The following AOPEP variants were observed in gnomAD, a reference collection of about 807,000 sequenced individuals.
AOPEP encodes aminopeptidase O (putative), also known as aminopeptidase O.
Under a neutral mutation model 98.1 loss-of-function variants are expected in AOPEP, and 77 were observed. That is an observed-to-expected ratio of 0.78 (90% CI 0.65 to 0.95). AOPEP has a LOEUF of 0.95. Among genes scored for constraint, AOPEP ranks in the 40% least tolerant of loss-of-function variants. The probability of loss-of-function intolerance (pLI) is 0.00; values close to 1 mark genes in which losing one functional copy is unlikely to be tolerated. For missense variants in AOPEP, 1,024 were observed against 1,024.7 expected (o/e 1.00, Z 0.01); for synonymous variants, 346 against 365.3 (o/e 0.95, Z 0.60).
chr9:94,747,700 A>T (rs949631210), intron 1 of AOPEP, among the ~76,000 whole-genome samples: 2 of 152,234 alleles, frequency 1.3e-5, no homozygotes, highest in Non-Finnish European at 2.9e-5. Context: ...TTCAAAGTTT[A>T]TTAACTGTTT....
chr9:94,739,703 AAT>A (rs1281636238), intron 1 of AOPEP, among the ~76,000 whole-genome samples: 2 of 152,146 alleles, frequency 1.3e-5, no homozygotes, highest in Non-Finnish European at 2.9e-5. Flanking sequence ...TCCACTGCTA[AAT>A]AGTAACCGCT....
chr9:94,750,578 C>T (rs745649433), intron 1 of AOPEP, among the ~76,000 whole-genome samples: 52 of 151,584 alleles, frequency 3.4e-4, no homozygotes, highest in Non-Finnish European at 1.5e-5. Context: ...AGCGAGACTC[C>T]GTCTCAAAAA....
chr9:94,839,261 A>AT (rs571082827), intron 5 of AOPEP, among the ~76,000 whole-genome samples: 9 of 150,036 alleles, frequency 6.0e-5, no homozygotes, highest in Admixed American at 1.3e-4. Context: ...AATTTTTTGT[A>AT]TTTTTTTTTG....
At chr9:94,732,116 C>T (rs542612723) in intron 1 of AOPEP, among the ~76,000 whole-genome samples, 1 of 151,978 alleles carries the variant, frequency 6.6e-6, no homozygotes, top group Non-Finnish European at 1.5e-5. Flanking sequence ...GTTCCATATT[C>T]GTTTTTAACA....
At chr9:94,893,818 GA>G (rs921330763) in intron 5 of AOPEP, among the ~76,000 whole-genome samples, 1 of 152,080 alleles carries the variant, frequency 6.6e-6, no homozygotes, top group Non-Finnish European at 1.5e-5. Flanking sequence ...TTCTTAGAAA[GA>G]AAAATGTAAA....
the AOPEP span, among the ~76,000 whole-genome samples, chr9:95,144,200 T>C: frequency 6.6e-6 from 1 of 152,244 alleles, no homozygotes; most frequent in Non-Finnish European, 1.5e-5. Flanking sequence ...TGTCAACATG[T>C]GGCTGGGATG....
At chr9:94,836,828 T>G (rs1285837619) in intron 5 of AOPEP, among the ~76,000 whole-genome samples, 2 of 152,216 alleles carry the variant, frequency 1.3e-5, no homozygotes. Flanking sequence ...GTTACAGTTG[T>G]ATGCTTTATA....
chr9:94,745,278 ATTT>A (rs547764225), intron 1 of AOPEP, among the ~76,000 whole-genome samples: 2 of 141,790 alleles, frequency 1.4e-5, no homozygotes, highest in Non-Finnish European at 1.6e-5. Flanking sequence ...AATTGTTTTA[ATTT>A]TTTTTTTTTT....
At chr9:94,849,052 T>G (rs2043206392) in intron 5 of AOPEP, among the ~76,000 whole-genome samples, 1 of 152,210 alleles carries the variant, frequency 6.6e-6, no homozygotes, top group Non-Finnish European at 1.5e-5. Flanking sequence ...ATGCTGGGAT[T>G]AGAGGCGTGA....
chr9:95,052,713 AG>A (rs2066487018), intron 13 of AOPEP, among the ~76,000 whole-genome samples: 1 of 152,248 alleles, frequency 6.6e-6, no homozygotes, highest in South Asian at 2.1e-4. Flanking sequence ...GGAGTAATAT[AG>A]GAAGTTATAG....
intron 12 of AOPEP, 64 bp downstream of exon 12, chr9:95,005,284 A>C (rs1271637516): frequency 1.1e-6 from 1 of 873,452 alleles, no homozygotes. Context: ...GGCTGGCGAG[A>C]GGCCCTGGCT....
intron 13 of AOPEP, among the ~76,000 whole-genome samples, chr9:95,043,854 A>G (rs2065584095): frequency 6.6e-6 from 1 of 152,186 alleles, no homozygotes; most frequent in Non-Finnish European, 1.5e-5. Context: ...TTGTAGAGAC[A>G]GAGTTTTGGC....
chr9:95,141,207 G>A, the AOPEP span, among the ~76,000 whole-genome samples: 1 of 151,538 alleles, frequency 6.6e-6, no homozygotes, highest in East Asian at 2.0e-4. Flanking sequence ...AGCCACTCGG[G>A]AGGCTGAGGT....
At chr9:94,921,926 G>A (rs2053670582) in intron 5 of AOPEP, among the ~76,000 whole-genome samples, 2 of 152,284 alleles carry the variant, frequency 1.3e-5, no homozygotes, top group African/African-American at 2.4e-5. Flanking sequence ...CGACTCAGAA[G>A]AAAGGATTGA....
chr9:94,750,529 G>A (rs568547994), intron 1 of AOPEP, among the ~76,000 whole-genome samples: 1 of 152,068 alleles, frequency 6.6e-6, no homozygotes, highest in African/African-American at 2.4e-5. Context: ...AGGTTGCAGT[G>A]AGCCGAGATT....
At position 94,979,448 on chromosome 9, in the gene AOPEP, T is replaced by C. The variant is rs3824493; in HGVS notation, c.1977+21T>C. 1,496 of 1,536,726 alleles carry C rather than the reference T, an allele frequency of 9.7e-4. 32 individuals carry two copies. The East Asian group carries it at 0.032, about 33-fold the overall frequency. On this transcript the variant is annotated intron_variant, in intron 11 of 16. Coordinates refer to ENST00000375315, the MANE Select transcript of AOPEP (RefSeq NM_001193329.3). ...CAAAGGTAACTCAAGATAACCACTT[T>C]GGTAGAATCCATGGAGAGTAGTAAA...
chr9:94,771,573 C>G (rs1840886803), intron 2 of AOPEP, among the ~76,000 whole-genome samples: 1 of 152,220 alleles, frequency 6.6e-6, no homozygotes, highest in South Asian at 2.1e-4. Flanking sequence ...CCTAGGCTCT[C>G]TTGTCTTCTG....
intron 5 of AOPEP, among the ~76,000 whole-genome samples, chr9:94,849,513 T>TG (rs1196413014): frequency 6.6e-6 from 1 of 151,296 alleles, no homozygotes; most frequent in African/African-American, 2.4e-5. Flanking sequence ...TTTCTTTTTT[T>TG]TTTTTTGCAG....
At chr9:94,808,533 G>C (rs1316865333) in intron 5 of AOPEP, among the ~76,000 whole-genome samples, 2 of 152,146 alleles carry the variant, frequency 1.3e-5, no homozygotes, top group Non-Finnish European at 2.9e-5. Flanking sequence ...TATATTTCTT[G>C]GTTAACTAAC....
Sources: allele counts gnomAD v4.1 joint callset (sites outside exome capture counted in the v4.1 genomes callset), GRCh38; gene constraint gnomAD v4.1.1; transcripts MANE v1.5; gene names NCBI Gene and HGNC (gene_info 2026-07-23, HGNC 2026-07-21).